Variants in KCNH4 observed in about 807,000 individuals in gnomAD.
The protein encoded by KCNH4 is potassium voltage-gated channel subfamily H member 4, also known as voltage-gated delayed rectifier potassium channel KCNH4.
In KCNH4, 33 loss-of-function variants were observed where a neutral mutation model predicts 90.7. The observed-to-expected ratio is 0.36, with a 90% CI of 0.28 to 0.49. The LOEUF (loss-of-function observed/expected upper bound fraction) is 0.49. Among genes scored for constraint, KCNH4 ranks in the 20% least tolerant of loss-of-function variants. The probability of loss-of-function intolerance (pLI) is 0.98; values close to 1 mark genes in which losing one functional copy is unlikely to be tolerated. For missense variants in KCNH4, 1,044 were observed against 1,387.1 expected, an observed-to-expected ratio of 0.75 and a Z score of 3.93; for synonymous variants, 551 against 581.7, an observed-to-expected ratio of 0.95 and a Z score of 0.76.
At chr17:42,179,257 G>C (rs1415445983) in intron 1 of KCNH4, among the ~76,000 whole-genome samples, 1 of 152,230 alleles carries the variant, frequency 6.6e-6, no homozygotes, top group African/African-American at 2.4e-5. Context: ...GGGAGTTGGA[G>C]AAGGACCCCA....
At chr17:42,166,975 A>G (rs1378635466) in intron 9 of KCNH4, among the ~76,000 whole-genome samples, 1 of 152,136 alleles carries the variant, frequency 6.6e-6, no homozygotes, top group Non-Finnish European at 1.5e-5. Flanking sequence ...TTATTAGACC[A>G]TGGGCACTAC....
At chr17:42,177,999 A>C in intron 4 of KCNH4, 101 bp downstream of exon 4, 2 of 1,480,858 alleles carry the variant, frequency 1.4e-6, no homozygotes. Context: ...CAAGCCAAGG[A>C]GGGACACCAG....
intron 9 of KCNH4, 70 bp downstream of exon 9, chr17:42,169,407 C>T (rs2079810159): frequency 6.4e-6 from 9 of 1,400,696 alleles, no homozygotes; most frequent in South Asian, 5.9e-5. Context: ...ACAGGGGCAG[C>T]GACTCCTTCC....
In KCNH4 at chr17:42,170,120, C is replaced by T. The variant is rs146054199; in HGVS notation, c.1377G>A (p.Thr459=). Residue 459 remains threonine (T), a synonymous_variant, in exon 8 of 17, where the codon ACG becomes ACA. Coordinates refer to ENST00000264661, the MANE Select transcript of KCNH4 (RefSeq NM_012285.3). ...GTCTGGCCTCACCGCCTATGAGCAT[C>T]GTGCAGATGGAGAAGATCTTCTCCG... ...TDAEKIFSIC[T]MLIGALMHAV... 2.4e-4 allele frequency: 394 copies of T among 1,608,658 alleles called. No individual in the cohort carries two copies. Among genetic ancestry groups the T allele is most frequent in the Non-Finnish European group, 3.0e-4 (358 of 1,177,320 alleles).
At chr17:42,175,309 C>T (rs763537891) in intron 6 of KCNH4, among the ~76,000 whole-genome samples, 2 of 152,254 alleles carry the variant, frequency 1.3e-5, no homozygotes, top group Non-Finnish European at 2.9e-5. Context: ...ACTCATTTGG[C>T]ATCAGACCAA....
intron 6 of KCNH4, among the ~76,000 whole-genome samples, chr17:42,173,693 C>CTTTTTTTTTTTTTTT (rs532100884): frequency 6.0e-5 from 4 of 66,268 alleles, no homozygotes; most frequent in African/African-American, 2.7e-4. Flanking sequence ...CGATCTGGTT[C>CTTTTTTTTTTTTTTT]TTTTTTTTTT....
chr17:42,157,186 C>A (rs2079715658), intron 16 of KCNH4, 68 bp from the exon 17 acceptor site: 4 of 152,182 alleles, frequency 2.6e-5, no homozygotes, highest in East Asian at 1.9e-4. Context: ...CATTACTGGG[C>A]CCAAAAAGCA....
chr17:42,172,828 A>T (rs1567641322), intron 6 of KCNH4, among the ~76,000 whole-genome samples: 1 of 151,970 alleles, frequency 6.6e-6, no homozygotes, highest in Non-Finnish European at 1.5e-5. Context: ...GCAGAGCCCC[A>T]GTAGCGACGG....
In KCNH4 at chr17:42,169,408, G is replaced by A. The variant is rs1376284110; in HGVS notation, c.1590+69C>T. The A allele has an allele frequency of 1.5e-5, 22 of 1,426,470 alleles. No individual in the cohort carries two copies. The East Asian group carries it at 4.1e-4, about 27-fold the overall frequency. The allele number at this position is 1,426,470 out of a possible 1,614,324, so 88.4% of individuals were successfully genotyped here. On this transcript the variant is annotated intron_variant, in intron 9 of 16. Transcript: ENST00000264661. ...CTCCATTTTAAGCTACAGGGGCAGC[G>A]ACTCCTTCCCCACCCCACTGCAGGG...
intron 6 of KCNH4, among the ~76,000 whole-genome samples, chr17:42,174,297 C>T (rs952460563): frequency 9.9e-5 from 15 of 152,120 alleles, no homozygotes; most frequent in Admixed American, 8.5e-4. Flanking sequence ...GAAGGGTTCC[C>T]GTGGGGCTCC....
intron 9 of KCNH4, among the ~76,000 whole-genome samples, chr17:42,166,753 G>A (rs1412060295): frequency 6.6e-6 from 1 of 152,126 alleles, no homozygotes; most frequent in East Asian, 1.9e-4. Flanking sequence ...CAGAGACCAG[G>A]TCTTCTCCCA....
chr17:42,169,693 G>A lies in KCNH4; in HGVS notation c.1391-17C>T, dbSNP rs757325139. 39 of 1,609,880 alleles carry A rather than the reference G, an allele frequency of 2.4e-5. No individual in the cohort carries two copies. Among genetic ancestry groups the A allele is most frequent in the Non-Finnish European group, 2.9e-5 (34 of 1,177,926 alleles). ...GCATCAGGGCTGCAGCAGCAGCAGC[G>A]GGCCTGTCAGGGGCGGCCACCCCTC... On this transcript the variant is annotated splice_polypyrimidine_tract_variant and intron_variant, in intron 8 of 16. Transcript: ENST00000264661.
At chr17:42,177,746 C>A (rs2079872252) in intron 4 of KCNH4, among the ~76,000 whole-genome samples, 1 of 152,154 alleles carries the variant, frequency 6.6e-6, no homozygotes, top group African/African-American at 2.4e-5. Flanking sequence ...AGATGCCAGG[C>A]CTGCAATGAG....
chr17:42,170,071 C>A, intron 8 of KCNH4, 36 bp downstream of exon 8: 4 of 1,546,156 alleles, frequency 2.6e-6, no homozygotes, highest in Non-Finnish European at 3.5e-6. Flanking sequence ...CTGGGCTTCG[C>A]AGGGCCCCAC....
intron 6 of KCNH4, among the ~76,000 whole-genome samples, chr17:42,174,666 C>A (rs977886085): frequency 6.6e-6 from 1 of 152,156 alleles, no homozygotes; most frequent in Non-Finnish European, 1.5e-5. Context: ...CACTTGCCCG[C>A]CCCACACCCA....
chr17:42,165,920 G>C (rs1016429592), intron 10 of KCNH4, among the ~76,000 whole-genome samples: 3 of 152,180 alleles, frequency 2.0e-5, no homozygotes, highest in African/African-American at 7.2e-5. Context: ...CCAGAGGAAC[G>C]ATCAGTGGAA....
chr17:42,175,001 C>T (rs2079851881), intron 6 of KCNH4, among the ~76,000 whole-genome samples: 1 of 152,192 alleles, frequency 6.6e-6, no homozygotes, highest in Non-Finnish European at 1.5e-5. Flanking sequence ...CCAACAAGGG[C>T]GCTTTTGCTT....
In KCNH4 at chr17:42,163,784, G is replaced by A; in HGVS notation, c.2299C>T (p.Pro767Ser). 5 of 1,545,782 alleles carry A rather than the reference G, an allele frequency of 3.2e-6. No individual in the cohort carries two copies. Among genetic ancestry groups the A allele is most frequent in the South Asian group, 1.2e-5 (1 of 82,552 alleles). The stretch of plus-strand genomic sequence containing the variant: ...GAGGAGACAAGGGCTGAGAATGGGG[G>A]CAGCTCCTCGCCCAAAAGGCTGACC... ...SLVSLLGEELPPFSALVSSPS... is the reference protein window; with the variant it reads ...SLVSLLGEELSPFSALVSSPS... The change falls in exon 13 of 17, where the codon CCC becomes TCC. Residue 767 changes from proline to serine, a missense_variant. This residue lies in a region of KCNH4 where 441 missense variants were observed against 512.3 expected (regional missense o/e 0.86). Transcript: ENST00000264661. This position sits in a 1 kb window ranked among gnomAD's most constrained non-coding sequence, Gnocchi z 5.4.
chr17:42,173,438 C>T (rs1453860971), intron 6 of KCNH4, among the ~76,000 whole-genome samples: 1 of 152,140 alleles, frequency 6.6e-6, no homozygotes, highest in Non-Finnish European at 1.5e-5. Context: ...TCAGGGCTTC[C>T]CTCAGTCAGC....
Sources: gnomAD v4.1 joint callset for allele counts (sites outside exome capture counted in the v4.1 genomes callset) on GRCh38, gnomAD v4.1.1 for gene constraint, gnomAD v4.1.1 regional missense constraint, Gnocchi (gnomAD v3.1) non-coding constraint, MANE v1.5 for transcripts, NCBI Gene and HGNC (gene_info 2026-07-23, HGNC 2026-07-21) for gene names.